CNTNAP2: variants seen among roughly 807,000 people sequenced by gnomAD.
CNTNAP2 encodes contactin associated protein 2.
In CNTNAP2, 98 loss-of-function variants were observed where a neutral mutation model predicts 155.2. That is an observed-to-expected ratio of 0.63 (90% CI 0.54 to 0.75). CNTNAP2 has a LOEUF of 0.75. Ranked by LOEUF, CNTNAP2 falls within the 30% of genes least tolerant of loss-of-function variation. CNTNAP2 has a pLI of 0.00. For missense variants in CNTNAP2, 1,727 were observed against 1,688.1 expected (o/e 1.02, Z -0.40); for synonymous variants, 651 against 631.2 (o/e 1.03, Z -0.47).
chr7:146,689,902 G>T (rs1411053335), intron 1 of CNTNAP2, among the ~76,000 whole-genome samples: 1 of 151,786 alleles, frequency 6.6e-6, no homozygotes, highest in Admixed American at 6.6e-5. Context: ...TTACTACTAA[G>T]GTTTCAGTTT....
chr7:148,014,688 T>G (rs1044533108), intron 15 of CNTNAP2, among the ~76,000 whole-genome samples: 1 of 152,190 alleles, frequency 6.6e-6, no homozygotes, highest in African/African-American at 2.4e-5. Context: ...ATGAACAGTT[T>G]TGAAATCCAT....
At chr7:147,324,103 A>G (rs1191284356) in intron 9 of CNTNAP2, among the ~76,000 whole-genome samples, 2 of 152,156 alleles carry the variant, frequency 1.3e-5, no homozygotes, top group African/African-American at 4.8e-5. Flanking sequence ...GAGGCCAGAG[A>G]AAGTATCTTT....
At chr7:148,179,540 TGAGAGAGG>T (rs1291819719) in intron 18 of CNTNAP2, among the ~76,000 whole-genome samples, 4 of 131,024 alleles carry the variant, frequency 3.1e-5, no homozygotes, top group African/African-American at 5.9e-5. Context: ...AGAGAGGGAG[TGAGAGAGG>T]GAGAGAGGGA....
Position 148,331,257 on chromosome 7 carries a change from G to GATGGA in CNTNAP2, c.3476-52391_3476-52387dup, listed in dbSNP as rs1798001707. The stretch of plus-strand genomic sequence containing the variant: ...ATGGATGGAACAGATGGATGGAATG[G>GATGGA]ATGGATGGATGGAGTGGACGGATGG... On this transcript the variant is annotated intron_variant, in intron 21 of 23. Coordinates refer to ENST00000361727, the MANE Select transcript of CNTNAP2 (RefSeq NM_014141.6). 4.0e-3 allele frequency among the ~76,000 whole-genome samples: 8 copies of GATGGA among 2,010 alleles called. No homozygotes were observed. In the South Asian group the frequency reaches 0.086, roughly 22 times the overall value. 1.3% of individuals were successfully genotyped at this position (2,010 alleles called of 152,430 possible). A position where few individuals can be genotyped will look rare whatever the true frequency, so the allele number is the denominator to read the frequency against.
chr7:146,575,065 C>T (rs150632556), intron 1 of CNTNAP2, among the ~76,000 whole-genome samples: 10 of 152,250 alleles, frequency 6.6e-5, no homozygotes, highest in African/African-American at 2.4e-4. Flanking sequence ...AAGTTAGAAC[C>T]CCAAAAGCCT....
chr7:146,187,765 T>A (rs570900529), intron 1 of CNTNAP2, among the ~76,000 whole-genome samples: 256 of 152,276 alleles, frequency 1.7e-3, no homozygotes, highest in African/African-American at 5.9e-3. Flanking sequence ...CTCTCTCTTA[T>A]TCAGATTCAG....
rs368686831 is a variant in CNTNAP2, at chr7:147,036,391, A to G, written c.403-7516A>G. On this transcript the variant is annotated intron_variant, in intron 3 of 23. Coordinates refer to ENST00000361727, the MANE Select transcript of CNTNAP2 (RefSeq NM_014141.6). Reference sequence around the variant, plus strand: ...GTTTATTCTAAAATTAACATTGTGGATGACTTACAATATGTTAAAAAAGTT... The same window carrying G: ...GTTTATTCTAAAATTAACATTGTGGGTGACTTACAATATGTTAAAAAAGTT... Among the ~76,000 whole-genome samples the G allele has an allele frequency of 3.9e-5, 6 of 152,322 alleles. No individual in the cohort carries two copies. In the East Asian group the frequency reaches 5.8e-4, roughly 15 times the overall value.
At chr7:148,247,595 T>TTCTCTCTC (rs140317251) in intron 20 of CNTNAP2, among the ~76,000 whole-genome samples, 126 of 132,954 alleles carry the variant, frequency 9.5e-4, no homozygotes, top group African/African-American at 3.6e-3. Context: ...GCTTCTCCCA[T>TTCTCTCTC]TCTCTCTCTC....
chr7:146,770,037 C>T (rs1802264990), intron 1 of CNTNAP2, among the ~76,000 whole-genome samples: 1 of 152,046 alleles, frequency 6.6e-6, no homozygotes, highest in African/African-American at 2.4e-5. Flanking sequence ...CAGGGTCACA[C>T]GTTTATGATG....
intron 11 of CNTNAP2, among the ~76,000 whole-genome samples, chr7:147,554,971 G>A (rs373360040): frequency 1.3e-5 from 2 of 152,284 alleles, no homozygotes; most frequent in South Asian, 4.1e-4. Context: ...TAGAATTAGA[G>A]AGCTTTCACT....
intron 13 of CNTNAP2, chr7:147,831,809 T>C (rs1369232086): frequency 3.3e-5 from 5 of 152,116 alleles, no homozygotes; most frequent in Non-Finnish European, 5.9e-5. Context: ...ACTGGACCAA[T>C]ACAGGGAAGA....
intron 20 of CNTNAP2, among the ~76,000 whole-genome samples, chr7:148,243,602 T>C (rs1796198790): frequency 1.3e-5 from 2 of 151,984 alleles, no homozygotes. Context: ...ATGCCTCTTT[T>C]TAAACCCGTC....
intron 1 of CNTNAP2, among the ~76,000 whole-genome samples, chr7:146,342,216 T>G (rs1794741533): frequency 6.6e-6 from 1 of 152,136 alleles, no homozygotes; most frequent in Admixed American, 6.6e-5. Flanking sequence ...TGGAGTACTC[T>G]TGAAAACCCT....
At chr7:147,063,843 A>G (rs1335010002) in intron 4 of CNTNAP2, among the ~76,000 whole-genome samples, 4 of 152,166 alleles carry the variant, frequency 2.6e-5, no homozygotes, top group Admixed American at 2.6e-4. Flanking sequence ...AGTGTAATAT[A>G]AAAAATATAA....
intron 10 of CNTNAP2, among the ~76,000 whole-genome samples, chr7:147,411,188 G>A (rs1225944576): frequency 2.0e-5 from 3 of 152,158 alleles, no homozygotes; most frequent in Non-Finnish European, 4.4e-5. Context: ...GAAGCCAGAT[G>A]TGTTGGTTTT....
Position 146,332,740 on chromosome 7 carries a change from T to C in CNTNAP2, c.97+215767T>C, listed in dbSNP as rs575846037. ...CTTCATTTTTGAAGCCAACAGTAAA[T>C]ATTATTTAACATGAAAATAATTTTT... On this transcript the variant is annotated intron_variant, in intron 1 of 23. Transcript: ENST00000361727. 6.6e-4 allele frequency among the ~76,000 whole-genome samples: 100 copies of C among 152,272 alleles called. 2 individuals carry two copies. The South Asian group carries it at 0.019, about 30-fold the overall frequency.
intron 3 of CNTNAP2, among the ~76,000 whole-genome samples, chr7:147,011,259 C>T (rs1798617427): frequency 6.6e-6 from 1 of 151,452 alleles, no homozygotes; most frequent in African/African-American, 2.4e-5. Context: ...ACTAAAAATA[C>T]AAAAATTAGC....
intron 1 of CNTNAP2, among the ~76,000 whole-genome samples, chr7:146,330,342 C>T (rs990957341): frequency 5.9e-5 from 9 of 152,126 alleles, no homozygotes; most frequent in Admixed American, 1.3e-4. Context: ...TTTCTTATCA[C>T]CAGTAATATG....
intron 3 of CNTNAP2, among the ~76,000 whole-genome samples, chr7:146,868,288 T>C (rs954124970): frequency 6.6e-6 from 1 of 152,122 alleles, no homozygotes; most frequent in Non-Finnish European, 1.5e-5. Context: ...CCTTCCTCAT[T>C]GCTTGTTTTG....
Sources: allele counts gnomAD v4.1 joint callset (sites outside exome capture counted in the v4.1 genomes callset), GRCh38; gene constraint gnomAD v4.1.1; transcripts MANE v1.5; gene names NCBI Gene and HGNC (gene_info 2026-07-23, HGNC 2026-07-21).